MGAM: variants seen among roughly 807,000 people sequenced by gnomAD.
The protein encoded by MGAM is maltase-glucoamylase, also known as alpha-1,4-glucosidase.
A neutral mutation model predicts 358.8 loss-of-function variants in MGAM; 253 were observed. The ratio of observed to expected loss-of-function variants is 0.71; its 90% CI spans 0.64 to 0.78. The LOEUF (loss-of-function observed/expected upper bound fraction) is 0.78. Among genes scored for constraint, MGAM ranks in the 30% least tolerant of loss-of-function variants. The pLI, the probability that MGAM is intolerant of heterozygous loss-of-function variation, is 0.00. For missense variants in MGAM, 3,080 were observed against 3,432.6 expected (o/e 0.90, Z 2.57); for synonymous variants, 1,105 against 1,227.1 (o/e 0.90, Z 2.08).
chr7:142,008,768 TG>T, intron 3 of MGAM, 63 bp downstream of exon 3: 2 of 1,542,770 alleles, frequency 1.3e-6, no homozygotes, highest in South Asian at 1.2e-5. Flanking sequence ...TATTTTTTTT[TG>T]TTGTTTTGTT....
At chr7:142,045,155 GATATATA>G (rs1563156394) in intron 21 of MGAM, among the ~76,000 whole-genome samples, 1 of 61,514 alleles carries the variant, frequency 1.6e-5, no homozygotes, top group African/African-American at 5.2e-5. Flanking sequence ...TCATATATGT[GATATATA>G]ATATATATAT....
At chr7:142,050,178 A>G (rs1810803113) in intron 22 of MGAM, 57 bp from the exon 23 acceptor site, 1 of 1,557,984 alleles carries the variant, frequency 6.4e-7, no homozygotes, top group African/African-American at 1.4e-5. Context: ...GTAGGGTGAA[A>G]TCTGTTCTTC....
chr7:142,022,513 T>C (rs1432761952), intron 7 of MGAM, 74 bp downstream of exon 7: 3 of 1,474,300 alleles, frequency 2.0e-6, no homozygotes, highest in Admixed American at 2.0e-5. Flanking sequence ...AGTATTACAG[T>C]GTAGTGTTTA....
chr7:142,086,012 T>G lies in MGAM; in HGVS notation c.6636+51T>G, dbSNP rs1293766255. 1.3e-5 allele frequency: 20 copies of G among 1,535,112 alleles called. 3 individuals carry two copies. The highest frequency in any genetic ancestry group is 3.6e-6 in the Non-Finnish European group (4 of 1,118,086). On this transcript the variant is annotated intron_variant, in intron 55 of 70. Transcript: ENST00000475668. The stretch of plus-strand genomic sequence containing the variant: ...GTCTGTTTGGGAGCAGGTATGGGTT[T>G]TGTTGGAGAAAGTGTTATACTTTAT...
rs71552638 is a variant in MGAM at position 142,046,022 on chromosome 7, C to T, written c.2499-1763C>T. On this transcript the variant is annotated intron_variant, in intron 21 of 70. Transcript: ENST00000475668. Reference sequence around the variant, plus strand: ...ATGTAATATATATTATGTATACATACAATATGTAATATATATTATATATAC... The same window carrying T: ...ATGTAATATATATTATGTATACATATAATATGTAATATATATTATATATAC... Among the ~76,000 whole-genome samples the T allele has an allele frequency of 5.6e-3, 226 of 40,422 alleles. 15 individuals are homozygous for T. The highest frequency in any genetic ancestry group is 7.0e-3 in the Non-Finnish European group (117 of 16,782). The allele number at this position is 40,422 out of a possible 152,430, so 26.5% of individuals were successfully genotyped here. A position where few individuals can be genotyped will look rare whatever the true frequency, so the allele number is the denominator to read the frequency against.
chr7:142,041,862 T>C (rs1400080536), intron 21 of MGAM, among the ~76,000 whole-genome samples: 1 of 104,002 alleles, frequency 9.6e-6, no homozygotes, highest in African/African-American at 3.6e-5. Context: ...CTGGTCATTT[T>C]ATATATATAT....
intron 22 of MGAM, 28 bp downstream of exon 22, chr7:142,047,901 T>C (rs763016565): frequency 3.9e-6 from 6 of 1,523,664 alleles, no homozygotes; most frequent in Non-Finnish European, 5.4e-6. Context: ...AATGTTGCTG[T>C]TTCCCAACCT....
rs1329198459 is a variant in MGAM, at chr7:142,076,639, T to G, written c.5326-20T>G. ...TTACAGGCATACCTTTATGCATAAT[T>G]GGAGTTAATTGTTTTGCAGAACCAC... is the stretch of plus-strand genomic sequence containing the variant. On this transcript the variant is annotated intron_variant, in intron 46 of 70. Coordinates refer to ENST00000475668, the MANE Select transcript of MGAM (RefSeq NM_001365693.1). The G allele has an allele frequency of 4.0e-6, 6 of 1,504,640 alleles. 1 individual carries two copies. In the South Asian group the frequency reaches 6.9e-5, roughly 17 times the overall value. 93.2% of individuals were successfully genotyped at this position (1,504,640 alleles called of 1,614,324 possible).
intron 13 of MGAM, among the ~76,000 whole-genome samples, chr7:142,032,047 T>G (rs1807548142): frequency 2.0e-5 from 3 of 151,258 alleles, no homozygotes; most frequent in African/African-American, 7.3e-5. Flanking sequence ...TTTTTTTTTT[T>G]TTTTTTTACG....
Position 142,019,337 on chromosome 7 carries a change from A to G in MGAM, c.448+18A>G, listed in dbSNP as rs918297383. The G allele has an allele frequency of 1.2e-6, 2 of 1,609,870 alleles. No homozygotes were observed. The highest frequency in any genetic ancestry group is 8.5e-7 in the Non-Finnish European group (1 of 1,179,164). On this transcript the variant is annotated intron_variant, in intron 4 of 70. Coordinates refer to ENST00000475668, the MANE Select transcript of MGAM (RefSeq NM_001365693.1). ...AAATGCAGGTAAGCCAGAGTCTGCCATGATGCAGGAGGTCCAGACCCTCTG... is the reference window on the plus strand; with the variant it reads ...AAATGCAGGTAAGCCAGAGTCTGCCGTGATGCAGGAGGTCCAGACCCTCTG...
intron 23 of MGAM, 82 bp from the exon 24 acceptor site, chr7:142,050,615 C>T: frequency 7.1e-7 from 1 of 1,406,112 alleles, no homozygotes; most frequent in Non-Finnish European, 9.8e-7. Context: ...GGTATCCGGT[C>T]TGGAATGGAA....
intron 21 of MGAM, among the ~76,000 whole-genome samples, chr7:142,041,253 A>C (rs1808500632): frequency 6.6e-6 from 1 of 152,274 alleles, no homozygotes; most frequent in African/African-American, 2.4e-5. Flanking sequence ...ATTCCAAAAA[A>C]ATAGATTCCA....
chr7:142,039,977 G>A (rs1461963125), intron 19 of MGAM, 138 bp from the exon 20 acceptor site: 7 of 656,812 alleles, frequency 1.1e-5, no homozygotes, highest in South Asian at 4.1e-5. Context: ...TCTATTATTT[G>A]TATTAGAGGA....
At chr7:142,024,014 A>G (rs1016960855) in intron 7 of MGAM, among the ~76,000 whole-genome samples, 5 of 152,018 alleles carry the variant, frequency 3.3e-5, no homozygotes, top group African/African-American at 9.7e-5. Context: ...CGTGTGGATC[A>G]TTTGAGGTCA....
At chr7:142,039,317 G>A (rs768916593) in intron 19 of MGAM, among the ~76,000 whole-genome samples, 6 of 151,798 alleles carry the variant, frequency 4.0e-5, no homozygotes, top group Admixed American at 1.3e-4. Context: ...AGCCAGGCTG[G>A]TCTCAAACTG....
At chr7:142,097,404 G>A (rs1483964949) in intron 65 of MGAM, among the ~76,000 whole-genome samples, 189 bp from the exon 66 acceptor site, 1 of 152,040 alleles carries the variant, frequency 6.6e-6, no homozygotes, top group African/African-American at 2.4e-5. Context: ...CACTTGTTTT[G>A]GGGTAGACAG....
At chr7:142,065,274 G>C in intron 37 of MGAM, 61 bp from the exon 38 acceptor site, 2 of 1,572,778 alleles carry the variant, frequency 1.3e-6, no homozygotes, top group Non-Finnish European at 1.7e-6. Context: ...GGGAGCAGAA[G>C]CTCTATGGCC....
At chr7:142,052,195 G>T in intron 24 of MGAM, 99 bp from the exon 25 acceptor site, 1 of 1,022,186 alleles carries the variant, frequency 9.8e-7, no homozygotes, top group Non-Finnish European at 1.4e-6. Flanking sequence ...TGAAAGTCTG[G>T]TCTAATTTCT....
At chr7:142,041,918 TATAA>T (rs1808671426) in intron 21 of MGAM, among the ~76,000 whole-genome samples, 1 of 18,902 alleles carries the variant, frequency 5.3e-5, no homozygotes, top group Non-Finnish European at 8.6e-5. Context: ...TATATATACG[TATAA>T]TATATAATAT....
Sources: allele counts gnomAD v4.1 joint callset (sites outside exome capture counted in the v4.1 genomes callset), GRCh38; gene constraint gnomAD v4.1.1; transcripts MANE v1.5; gene names NCBI Gene and HGNC (gene_info 2026-07-23, HGNC 2026-07-21).